The following KIF11 variants were observed in gnomAD, a reference collection of about 807,000 sequenced individuals.
KIF11 encodes the protein kinesin-like protein KIF11.
KIF11 carries 9 observed loss-of-function variants against 121.0 expected under a neutral mutation model. That is an observed-to-expected ratio of 0.07 (90% CI 0.04 to 0.13). The LOEUF is 0.13. Ranked by LOEUF, KIF11 falls within the 10% of genes least tolerant of loss-of-function variation. KIF11 has a pLI of 1.00. For missense variants in KIF11, 846 were observed against 1,217.5 expected, an observed-to-expected ratio of 0.69 and a Z score of 4.54; for synonymous variants, 408 against 421.0, an observed-to-expected ratio of 0.97 and a Z score of 0.38.
At chr10:92,631,007 C>T (rs1844732890) in intron 12 of KIF11, among the ~76,000 whole-genome samples, 2 of 149,046 alleles carry the variant, frequency 1.3e-5, no homozygotes, top group South Asian at 2.1e-4. Flanking sequence ...ATGTTCTGTC[C>T]AGGCATGGTG....
rs1332612710 is a variant in KIF11, at chr10:92,613,062, G to C, written c.721G>C (p.Val241Leu). Residue 241 changes from valine to leucine, a missense_variant, in exon 7 of 22, where the codon GTT (valine) becomes CTT (leucine). By Grantham distance (32) the Val-to-Leu change is conservative. Coordinates refer to ENST00000260731, the MANE Select transcript of KIF11 (RefSeq NM_004523.4). The surrounding 1 kb of genome is among the most constrained non-coding windows in gnomAD (Gnocchi z 4.2). ...YSSRSHSVFS[V>L]TIHMKETTID... ...TAGTCGTTCCCACTCAGTTTTCTCT[G>C]TTACAATACATATGAAAGAAACTAC... The C allele has an allele frequency of 6.2e-7, 1 of 1,608,928 alleles. No homozygotes were observed. Among genetic ancestry groups the C allele is most frequent in the South Asian group, 1.1e-5 (1 of 90,704 alleles).
chr10:92,601,025 A>G (rs1844363385), intron 1 of KIF11, among the ~76,000 whole-genome samples: 1 of 151,082 alleles, frequency 6.6e-6, no homozygotes, highest in Non-Finnish European at 1.5e-5. Flanking sequence ...ACGCCCAGCT[A>G]ATTTTTGTAT....
At chr10:92,635,728 CA>C (rs1844788909) in intron 14 of KIF11, among the ~76,000 whole-genome samples, 1 of 152,150 alleles carries the variant, frequency 6.6e-6, no homozygotes, top group Non-Finnish European at 1.5e-5. Flanking sequence ...AGGGTTGCCA[CA>C]AACCTTCAAT....
intron 18 of KIF11, among the ~76,000 whole-genome samples, chr10:92,647,942 C>T (rs1000301725): frequency 3.3e-5 from 5 of 151,848 alleles, no homozygotes; most frequent in Non-Finnish European, 7.4e-5. Flanking sequence ...AATGCCATCT[C>T]TTCAAAAAAT....
chr10:92,597,175 T>A (rs1489024077), intron 1 of KIF11: 1 of 270,374 alleles, frequency 3.7e-6, no homozygotes, highest in East Asian at 9.5e-5. Context: ...TGCCAAAGGA[T>A]CTGACAATGT....
Position 92,633,679 on chromosome 10 carries a change from G to A in KIF11, c.1759G>A (p.Gly587Arg). The A allele has an allele frequency of 6.2e-7, 1 of 1,605,278 alleles. No individual in the cohort carries two copies. Among genetic ancestry groups the A allele is most frequent in the Non-Finnish European group, 8.5e-7 (1 of 1,172,566 alleles). ...AGATACCATTACTACAGTAGCACTT[G>A]GATCTCTCACATCTATTCCAGAAAA... is the stretch of plus-strand genomic sequence containing the variant. The part of the protein sequence containing the change: ...ALDTITTVAL[G>R]SLTSIPENVS... The change falls in exon 14 of 22, where the codon GGA (glycine) becomes AGA (arginine). Residue 587 changes from glycine (G) to arginine (R), a missense_variant. By Grantham distance (125) the Gly-to-Arg change is moderately radical. Around this residue, in one of 5 missense-constraint regions of KIF11, gnomAD observed 492 missense variants for 603.4 expected, o/e 0.82. Transcript: ENST00000260731.
At position 92,613,336 on chromosome 10, in the gene KIF11, T is replaced by G. The variant is rs1844516924; in HGVS notation, c.790-41T>G. 7.1e-7 allele frequency: 1 copy of G among 1,416,064 alleles called. No homozygotes were observed. Among genetic ancestry groups the G allele is most frequent in the East Asian group, 2.5e-5 (1 of 40,248 alleles). 87.7% of individuals were successfully genotyped at this position (1,416,064 alleles called of 1,614,324 possible). On this transcript the variant is annotated intron_variant, in intron 7 of 21. Transcript: ENST00000260731. This position sits in a 1 kb window ranked among gnomAD's most constrained non-coding sequence, Gnocchi z 4.2. ...GAGAATGAAAGTCTTTGAATCCAAA[T>G]CCAATAGACTCACTTTTTATTTTTA...
intron 1 of KIF11, among the ~76,000 whole-genome samples, chr10:92,596,519 C>G (rs1313594724): frequency 6.7e-6 from 1 of 149,654 alleles, no homozygotes; most frequent in Non-Finnish European, 1.5e-5. Flanking sequence ...CACATCCTCA[C>G]CAACGTTTAT....
intron 16 of KIF11, 54 bp downstream of exon 16, chr10:92,637,599 G>T (rs1197253371): frequency 6.7e-7 from 1 of 1,493,392 alleles, no homozygotes; most frequent in Non-Finnish European, 9.1e-7. Flanking sequence ...AGGATGATTT[G>T]ATATGACTTG....
Position 92,623,501 on chromosome 10 carries a change from C to T in KIF11, c.1217+2028C>T, listed in dbSNP as rs1045521631. Reference sequence around the variant, plus strand: ...TAAAAGATATTAGACCTAATAATAACCAGAAGCATTTTAGTATAATCTTTT... The same window carrying T: ...TAAAAGATATTAGACCTAATAATAATCAGAAGCATTTTAGTATAATCTTTT... On this transcript the variant is annotated intron_variant, in intron 10 of 21. Transcript: ENST00000260731. 4.6e-5 allele frequency among the ~76,000 whole-genome samples: 7 copies of T among 152,256 alleles called. No individual in the cohort carries two copies. In the East Asian group the frequency reaches 9.6e-4, roughly 21 times the overall value.
intron 11 of KIF11, among the ~76,000 whole-genome samples, chr10:92,629,355 G>T (rs1844710935): frequency 6.6e-6 from 1 of 151,674 alleles, no homozygotes; most frequent in African/African-American, 2.4e-5. Context: ...GTTATATCAT[G>T]ATTTTTTACT....
chr10:92,609,498 T>C lies in KIF11; in HGVS notation c.687T>C (p.Asn229=), dbSNP rs1844472147. 1.2e-6 allele frequency: 2 copies of C among 1,611,564 alleles called. No homozygotes were observed. The highest frequency in any genetic ancestry group is 2.7e-5 in the African/African-American group (2 of 74,638). Reference sequence around the variant, plus strand: ...GGACAACTGCAGCTACTCTGATGAATGCATACTCTAGGTAAGAAAGCCATA... The same window carrying C: ...GGACAACTGCAGCTACTCTGATGAACGCATACTCTAGGTAAGAAAGCCATA... ...AKRTTAATLM[N]AYSSRSHSVF... The change falls in exon 6 of 22, where the codon AAT becomes AAC. Residue 229 remains asparagine, a synonymous_variant. Transcript: ENST00000260731.
chr10:92,615,284 T>C (rs1844541908), intron 8 of KIF11, among the ~76,000 whole-genome samples: 2 of 152,028 alleles, frequency 1.3e-5, no homozygotes, highest in Admixed American at 1.3e-4. Context: ...TGCGCGCCTG[T>C]AATCCCAACT....
At chr10:92,599,802 G>A (rs1181745755) in intron 1 of KIF11, among the ~76,000 whole-genome samples, 13 of 148,482 alleles carry the variant, frequency 8.8e-5, no homozygotes, top group African/African-American at 3.0e-4. Context: ...ACAGGCACAC[G>A]CTACGACGCC....
At chr10:92,643,555 ATT>A (rs368633432) in intron 17 of KIF11, among the ~76,000 whole-genome samples, 7 of 123,428 alleles carry the variant, frequency 5.7e-5, no homozygotes, top group Admixed American at 8.4e-5. Context: ...TATCTACTAG[ATT>A]TTTTTTTTTT....
In KIF11 at chr10:92,593,330, G is replaced by A; in HGVS notation, c.-46G>A. On this transcript the variant is annotated 5_prime_UTR_variant, in exon 1 of 22. Coordinates refer to ENST00000260731, the MANE Select transcript of KIF11 (RefSeq NM_004523.4). ...CCGCCAAGCCCCTCCGCCCCTCACA[G>A]CGCCCAGGTCCGCGGCCGGGCCTTG... The A allele has an allele frequency of 6.4e-7, 1 of 1,568,598 alleles. No individual in the cohort carries two copies. The highest frequency in any genetic ancestry group is 8.7e-7 in the Non-Finnish European group (1 of 1,155,976).
At chr10:92,614,158 G>A (rs563667430) in intron 8 of KIF11, among the ~76,000 whole-genome samples, 2 of 150,200 alleles carry the variant, frequency 1.3e-5, no homozygotes, top group African/African-American at 4.9e-5. Context: ...GTGCGATGAC[G>A]CGATCTCGGC....
intron 9 of KIF11, among the ~76,000 whole-genome samples, chr10:92,619,389 C>T (rs1844595073): frequency 6.6e-6 from 1 of 152,170 alleles, no homozygotes; most frequent in Non-Finnish European, 1.5e-5. Flanking sequence ...TGTAACCATT[C>T]ACTTATTGAA....
At chr10:92,637,125 AG>A in intron 14 of KIF11, 58 bp from the exon 15 acceptor site, 2 of 1,312,170 alleles carry the variant, frequency 1.5e-6, no homozygotes, top group Non-Finnish European at 2.1e-6. Flanking sequence ...TCATTTAGAA[AG>A]GTTTACAGAA....
Sources: allele counts gnomAD v4.1 joint callset (sites outside exome capture counted in the v4.1 genomes callset), GRCh38; gene constraint gnomAD v4.1.1; regional missense constraint gnomAD v4.1.1; non-coding constraint Gnocchi (gnomAD v3.1); transcripts MANE v1.5; gene names NCBI Gene and HGNC (gene_info 2026-07-23, HGNC 2026-07-21).